Variants in CADM2 observed in about 807,000 individuals in gnomAD.
CADM2 encodes the protein cell adhesion molecule 2.
CADM2 carries 12 observed loss-of-function variants against 49.8 expected under a neutral mutation model. The ratio of observed to expected loss-of-function variants is 0.24; its 90% CI spans 0.15 to 0.39. CADM2 has a LOEUF of 0.39. CADM2 is among the 10% of genes least tolerant of loss of function. CADM2 has a pLI of 1.00. For synonymous variants in CADM2, 214 were observed against 175.4 expected (o/e 1.22, Z -1.74); for missense variants, 378 against 492.3 (o/e 0.77, Z 2.20).
intron 3 of CADM2, among the ~76,000 whole-genome samples, chr3:85,832,819 C>T (rs900575195): frequency 8.6e-5 from 13 of 151,648 alleles, no homozygotes; most frequent in African/African-American, 2.9e-4. Context: ...CTGAGTGCTC[C>T]GGCTAGGAAT....
intron 1 of CADM2, among the ~76,000 whole-genome samples, chr3:85,093,710 A>G (rs1287775622): frequency 6.6e-6 from 1 of 152,150 alleles, no homozygotes; most frequent in African/African-American, 2.4e-5. Flanking sequence ...CTTTTAAATA[A>G]AAATCCTGCA....
chr3:85,799,826 T>G (rs1215529152), intron 2 of CADM2, among the ~76,000 whole-genome samples: 1 of 152,214 alleles, frequency 6.6e-6, no homozygotes, highest in African/African-American at 2.4e-5. Flanking sequence ...TGTCAACCAC[T>G]GCTGGGAGGT....
At chr3:85,254,425 C>T (rs1452500719) in intron 1 of CADM2, among the ~76,000 whole-genome samples, 1 of 151,966 alleles carries the variant, frequency 6.6e-6, no homozygotes, top group Non-Finnish European at 1.5e-5. Flanking sequence ...CAACCTGCAG[C>T]CCCTTTCTAC....
chr3:85,582,216 G>A lies in CADM2; in HGVS notation c.62-144306G>A, dbSNP rs147371178. Among the ~76,000 whole-genome samples, 83 of 152,180 alleles carry A rather than the reference G, an allele frequency of 5.5e-4. No homozygotes were observed. The East Asian group carries it at 0.011, about 21-fold the overall frequency. On this transcript the variant is annotated intron_variant, in intron 1 of 9. Coordinates refer to ENST00000383699, the MANE Select transcript of CADM2 (RefSeq NM_001167675.2). ...TGGGATTACTGTCCTGAGCCACCAC[G>A]CCTGGCCCTTAATTTGAAGTTCTAA...
rs184295488 is a variant in CADM2, at chr3:85,363,499, G to A, written c.62-363023G>A. ...GTAGCCACTGCTAACAACTTTCAGT[G>A]TCATTTAAAAAAAAAAGGTTTAGTC... On this transcript the variant is annotated intron_variant, in intron 1 of 9. Transcript: ENST00000383699. Among the ~76,000 whole-genome samples the A allele has an allele frequency of 4.1e-4, 62 of 151,394 alleles. 1 individual carries two copies. Among genetic ancestry groups the A allele is most frequent in the African/African-American group, 1.5e-3 (60 of 41,222 alleles).
intron 1 of CADM2, among the ~76,000 whole-genome samples, chr3:85,272,322 AAG>A (rs2043260909): frequency 6.6e-6 from 1 of 151,322 alleles, no homozygotes; most frequent in African/African-American, 2.4e-5. Context: ...CTTGCTAGTT[AAG>A]AGCATATACA....
chr3:85,733,180 G>A (rs1221900092), intron 2 of CADM2, among the ~76,000 whole-genome samples: 1 of 152,118 alleles, frequency 6.6e-6, no homozygotes, highest in Non-Finnish European at 1.5e-5. Flanking sequence ...TTCCCTCTTG[G>A]GAAAGTGAGA....
chr3:85,426,849 T>G (rs1346214151), intron 1 of CADM2, among the ~76,000 whole-genome samples: 1 of 152,024 alleles, frequency 6.6e-6, no homozygotes. Flanking sequence ...GACATTGACA[T>G]GCTAAAATTA....
chr3:85,055,681 G>A (rs2036053209), intron 1 of CADM2, among the ~76,000 whole-genome samples: 2 of 151,986 alleles, frequency 1.3e-5, no homozygotes, highest in South Asian at 4.1e-4. Context: ...ATTAACTTTT[G>A]TAGATTTTTG....
chr3:85,926,619 C>G (rs977410216), intron 6 of CADM2, among the ~76,000 whole-genome samples: 42 of 151,732 alleles, frequency 2.8e-4, no homozygotes, highest in African/African-American at 1.0e-3. Flanking sequence ...TTTAAAATTT[C>G]TAAATTTCCG....
chr3:85,568,453 T>C (rs1477902360), intron 1 of CADM2, among the ~76,000 whole-genome samples: 581 of 27,512 alleles, frequency 0.021, 44 homozygotes, highest in African/African-American at 0.05. Context: ...CTTTCTTTCT[T>C]TCTTTCTTTC....
intron 1 of CADM2, among the ~76,000 whole-genome samples, chr3:85,215,045 C>A (rs774043131): frequency 6.6e-6 from 1 of 152,000 alleles, no homozygotes; most frequent in African/African-American, 2.4e-5. Context: ...CCATGGCCAC[C>A]GTAGCTAAGA....
At chr3:85,850,142 C>G (rs2075039070) in intron 3 of CADM2, among the ~76,000 whole-genome samples, 1 of 151,852 alleles carries the variant, frequency 6.6e-6, no homozygotes, top group Non-Finnish European at 1.5e-5. Flanking sequence ...AATAAGGTTG[C>G]TTGTGGCTGG....
chr3:85,101,698 A>C (rs888746836), intron 1 of CADM2, among the ~76,000 whole-genome samples: 2 of 152,176 alleles, frequency 1.3e-5, no homozygotes, highest in African/African-American at 4.8e-5. Flanking sequence ...GTGTTTCTAA[A>C]ATTGTATTTG....
At chr3:85,966,690 G>A (rs946704286) in intron 8 of CADM2, among the ~76,000 whole-genome samples, 1 of 151,424 alleles carries the variant, frequency 6.6e-6, no homozygotes, top group Non-Finnish European at 1.5e-5. Flanking sequence ...ATCAAGATTT[G>A]CTTATATTTC....
rs560180590 is a variant in CADM2 at position 85,268,062 on chromosome 3, C to T, written c.61+308394C>T. Among the ~76,000 whole-genome samples, 3 of 151,360 alleles carry T rather than the reference C, an allele frequency of 2.0e-5. No individual in the cohort carries two copies. The East Asian group carries it at 5.9e-4, about 30-fold the overall frequency. ...AAAAATATGAACTTACAGATGTTAC[C>T]AATGCATTTTATTAAAATGTATAAT... is the stretch of plus-strand genomic sequence containing the variant. On this transcript the variant is annotated intron_variant, in intron 1 of 9. Coordinates refer to ENST00000383699, the MANE Select transcript of CADM2 (RefSeq NM_001167675.2).
intron 1 of CADM2, among the ~76,000 whole-genome samples, chr3:85,192,019 C>T (rs1372553747): frequency 6.6e-6 from 1 of 151,188 alleles, no homozygotes; most frequent in Non-Finnish European, 1.5e-5. Flanking sequence ...GACAATGTCT[C>T]ATAAACTCAG....
chr3:85,638,338 A>C (rs1305232693), intron 1 of CADM2, among the ~76,000 whole-genome samples: 2 of 152,244 alleles, frequency 1.3e-5, no homozygotes, highest in African/African-American at 4.8e-5. Context: ...ATAATATTTA[A>C]TTTCTGTGTT....
At chr3:85,600,489 A>G (rs1000378628) in intron 1 of CADM2, among the ~76,000 whole-genome samples, 2 of 151,942 alleles carry the variant, frequency 1.3e-5, no homozygotes, top group Non-Finnish European at 2.9e-5. Flanking sequence ...AAGGTACTTC[A>G]TCTGATTCCA....
Sources: gnomAD v4.1 joint callset for allele counts (sites outside exome capture counted in the v4.1 genomes callset) on GRCh38, gnomAD v4.1.1 for gene constraint, MANE v1.5 for transcripts, NCBI Gene and HGNC (gene_info 2026-07-23, HGNC 2026-07-21) for gene names.